The following NEU3 variants were observed in gnomAD, a reference collection of about 807,000 sequenced individuals.
NEU3 encodes the protein sialidase-3.
NEU3 carries 10 observed loss-of-function variants against 11.4 expected under a neutral mutation model. The observed-to-expected ratio is 0.88, with a 90% CI of 0.54 to 1.49. The LOEUF (loss-of-function observed/expected upper bound fraction) is 1.49. Ranked by LOEUF, NEU3 falls within the 40% of genes most tolerant of loss-of-function variation. NEU3 has a pLI of 0.00. For synonymous variants in NEU3, 212 were observed against 228.2 expected, an observed-to-expected ratio of 0.93 and a Z score of 0.64; for missense variants, 529 against 581.8, an observed-to-expected ratio of 0.91 and a Z score of 0.93.
At chr11:75,019,777 G>A (rs1377161837), downstream of NEU3, among the ~76,000 whole-genome samples, 2 of 152,176 alleles carry the variant, frequency 1.3e-5, no homozygotes, top group Non-Finnish European at 2.9e-5. Flanking sequence ...CTAGGGCAGG[G>A]CAGAAGGGAA....
At chr11:75,011,348 T>A (rs1394538636), downstream of NEU3, among the ~76,000 whole-genome samples, 1 of 152,240 alleles carries the variant, frequency 6.6e-6, no homozygotes, top group Admixed American at 6.5e-5. Flanking sequence ...TTTACTTGAC[T>A]TTGTTTGTTC....
At chr11:75,000,805 A>T (rs1948836015) in intron 2 of NEU3, among the ~76,000 whole-genome samples, 1 of 149,302 alleles carries the variant, frequency 6.7e-6, no homozygotes, top group African/African-American at 2.5e-5. Context: ...TTATTTATTT[A>T]TTTATTTATT....
intron 2 of NEU3, among the ~76,000 whole-genome samples, chr11:75,002,438 T>C (rs1260333146): frequency 6.6e-6 from 1 of 152,222 alleles, no homozygotes; most frequent in African/African-American, 2.4e-5. Flanking sequence ...AAGATATATA[T>C]CTCATTTCCA....
downstream of NEU3, among the ~76,000 whole-genome samples, chr11:75,014,201 G>A (rs992119558): frequency 6.6e-6 from 1 of 152,178 alleles, no homozygotes; most frequent in African/African-American, 2.4e-5. Flanking sequence ...CATAGTTTCT[G>A]TTGTCACCAA....
At position 75,006,462 on chromosome 11, in the gene NEU3, T is replaced by A. The variant is rs1018826396; in HGVS notation, c.1356T>A (p.Gly452=). ...TGCAGGGGGACTGCACCAGCCCTGG[T>A]AGGAACCCAAGCCAATTCAAAAGCA... The part of the protein sequence containing the change: ...SHLQGDCTSP[G]RNPSQFKSN Residue 452 remains glycine, a synonymous_variant, in exon 3 of 3, where the codon GGT becomes GGA. Coordinates refer to ENST00000294064, the MANE Select transcript of NEU3 (RefSeq NM_006656.6). The A allele has an allele frequency of 2.5e-6, 4 of 1,613,222 alleles. No individual in the cohort carries two copies. The highest frequency in any genetic ancestry group is 1.3e-5 in the African/African-American group (1 of 75,014).
chr11:74,987,551 C>T (rs1591747628), upstream of NEU3, among the ~76,000 whole-genome samples: 1 of 152,066 alleles, frequency 6.6e-6, no homozygotes, highest in African/African-American at 2.4e-5. Context: ...CGGTGGCTCA[C>T]GCCTGTAATC....
At chr11:75,013,751 A>G (rs1948969681), downstream of NEU3, among the ~76,000 whole-genome samples, 2 of 152,248 alleles carry the variant, frequency 1.3e-5, no homozygotes, top group Non-Finnish European at 2.9e-5. Flanking sequence ...TGGGTTATAC[A>G]TACATTCTCT....
At chr11:74,989,179 A>G in intron 1 of NEU3, 25 bp downstream of exon 1, 10 of 1,527,268 alleles carry the variant, frequency 6.5e-6, no homozygotes, top group Non-Finnish European at 8.9e-6. Context: ...GAGACAGGAG[A>G]GCTCCCCGAG....
At chr11:74,997,724 A>C (rs1948804685) in intron 2 of NEU3, among the ~76,000 whole-genome samples, 1 of 148,058 alleles carries the variant, frequency 6.8e-6, no homozygotes, top group Admixed American at 6.7e-5. Context: ...TTAGCCGGGC[A>C]TGGTGGTGCA....
Position 75,010,483 on chromosome 11 carries a change from AT to A in NEU3, c.*3993del, listed in dbSNP as rs1309953186. 2.0e-5 allele frequency: 3 copies of A among 152,190 alleles called. No homozygotes were observed. Among genetic ancestry groups the A allele is most frequent in the East Asian group, 3.9e-4 (2 of 5,190 alleles). The allele number at this position is 152,190 out of a possible 1,614,324, so 9.4% of individuals were successfully genotyped here. ...TGCATCCCTTTGTAGATTGTGTAGC[AT>A]TCAAAACCTGCTGAACACTCACCCT... On this transcript the variant is annotated 3_prime_UTR_variant, in exon 3 of 3. Coordinates refer to ENST00000294064, the MANE Select transcript of NEU3 (RefSeq NM_006656.6).
chr11:75,015,803 G>A (rs528731806), downstream of NEU3, among the ~76,000 whole-genome samples: 11 of 152,302 alleles, frequency 7.2e-5, no homozygotes, highest in South Asian at 2.3e-3. Context: ...TAGTCTGTCA[G>A]TCAGCTGTAT....
chr11:74,990,183 A>G, intron 1 of NEU3: 1 of 606,986 alleles, frequency 1.6e-6, no homozygotes, highest in South Asian at 2.0e-5. Context: ...GTGGTTCTTC[A>G]TATTGATCTG....
the NEU3 span, among the ~76,000 whole-genome samples, chr11:74,982,749 A>T: frequency 1.3e-5 from 2 of 152,108 alleles, no homozygotes; most frequent in South Asian, 4.1e-4. Context: ...AGAGCAGCGA[A>T]AAAAAAGGAG....
At chr11:75,012,369 T>C (rs1162142322), downstream of NEU3, among the ~76,000 whole-genome samples, 3 of 152,134 alleles carry the variant, frequency 2.0e-5, no homozygotes, top group African/African-American at 7.2e-5. Context: ...TGGCAATGAG[T>C]TTAAATTGGC....
Position 75,005,543 on chromosome 11 carries a change from A to T in NEU3, c.437A>T (p.Glu146Val). 6.2e-7 allele frequency: 1 copy of T among 1,613,948 alleles called. No homozygotes were observed. The highest frequency in any genetic ancestry group is 8.5e-7 in the Non-Finnish European group (1 of 1,179,880). ...ATCTGTGTGCGGGGCCATGTCACAG[A>T]GCGTCAACAGATTGTGTCAGGCAGG... ...FFICVRGHVTERQQIVSGRNA... is the reference protein window; with the variant it reads ...FFICVRGHVTVRQQIVSGRNA... Residue 146 changes from glutamate (E) to valine (V), a missense_variant, in exon 3 of 3, where the codon GAG becomes GTG. Glu to Val is a moderately radical substitution (Grantham distance 121). Transcript: ENST00000294064.
upstream of NEU3, among the ~76,000 whole-genome samples, chr11:74,987,249 G>T (rs772059442): frequency 6.6e-6 from 1 of 152,298 alleles, no homozygotes; most frequent in South Asian, 2.1e-4. Context: ...ACTCTGAGGT[G>T]ACCAAAGTGA....
upstream of NEU3, among the ~76,000 whole-genome samples, chr11:74,986,948 G>A (rs1385666049): frequency 3.3e-5 from 5 of 152,168 alleles, no homozygotes; most frequent in Non-Finnish European, 7.3e-5. Flanking sequence ...AGGACCTGAG[G>A]GCAATAGTAT....
downstream of NEU3, among the ~76,000 whole-genome samples, chr11:75,014,884 T>A (rs1272681477): frequency 4.6e-5 from 7 of 152,060 alleles, no homozygotes; most frequent in East Asian, 9.6e-4. Context: ...AAAAAAAGAA[T>A]AATAAAAATA....
At chr11:75,011,139 A>G (rs1053104270), downstream of NEU3, among the ~76,000 whole-genome samples, 3 of 152,232 alleles carry the variant, frequency 2.0e-5, no homozygotes, top group Non-Finnish European at 4.4e-5. Flanking sequence ...TACGGAATAC[A>G]ATGTCATACA....
Sources: gnomAD v4.1 joint callset for allele counts (sites outside exome capture counted in the v4.1 genomes callset) on GRCh38, gnomAD v4.1.1 for gene constraint, MANE v1.5 for transcripts, NCBI Gene and HGNC (gene_info 2026-07-23, HGNC 2026-07-21) for gene names.